The following LRP1B variants were observed in gnomAD, a reference collection of about 807,000 sequenced individuals.
LRP1B encodes the protein low-density lipoprotein receptor-related protein 1B.
In LRP1B, 217 loss-of-function variants were observed where a neutral mutation model predicts 556.6. That is an observed-to-expected ratio of 0.39 (90% CI 0.35 to 0.44). LRP1B has a LOEUF of 0.44. LRP1B is among the 20% of genes least tolerant of loss of function. The pLI is 1.00. For missense variants in LRP1B, 5,053 were observed against 5,620.8 expected (o/e 0.90, Z 3.23); for synonymous variants, 2,047 against 1,865.8 (o/e 1.10, Z -2.50).
chr2:140,259,675 C>T (rs12612910), intron 86 of LRP1B, among the ~76,000 whole-genome samples: 47,387 of 151,704 alleles, frequency 0.31, 7,654 homozygotes, highest in Middle Eastern at 0.4. Flanking sequence ...AGAATACATG[C>T]GACCCATTGG....
intron 1 of LRP1B, among the ~76,000 whole-genome samples, chr2:141,942,229 A>T (rs150426541): frequency 2.9e-3 from 435 of 152,200 alleles, no homozygotes; most frequent in Admixed American, 6.0e-3. Flanking sequence ...TCCACCACAC[A>T]TCTTTTCTCT....
At chr2:140,739,734 A>C (rs1226794843) in intron 35 of LRP1B, among the ~76,000 whole-genome samples, 2 of 152,168 alleles carry the variant, frequency 1.3e-5, no homozygotes, top group East Asian at 3.9e-4. Flanking sequence ...AAACAATAGA[A>C]ACTTATTCTC....
chr2:141,669,662 G>T (rs1415101122), intron 2 of LRP1B, among the ~76,000 whole-genome samples: 2 of 150,838 alleles, frequency 1.3e-5, no homozygotes, highest in Non-Finnish European at 2.9e-5. Flanking sequence ...AGAGGAAGGA[G>T]GGTAAGCTAT....
At chr2:140,326,489 C>T (rs1573795935) in intron 79 of LRP1B, among the ~76,000 whole-genome samples, 1 of 151,504 alleles carries the variant, frequency 6.6e-6, no homozygotes, top group Non-Finnish European at 1.5e-5. Flanking sequence ...ACTTTGGGAG[C>T]CTGAGGCGGG....
At chr2:142,012,528 A>G (rs774854104) in intron 1 of LRP1B, among the ~76,000 whole-genome samples, 50 of 152,142 alleles carry the variant, frequency 3.3e-4, no homozygotes, top group African/African-American at 4.6e-4. Flanking sequence ...GGGAGACTCC[A>G]TAAGTGCTGC....
In LRP1B at chr2:141,555,801, T is replaced by C. The variant is rs141209941; in HGVS notation, c.206-75268A>G. ...ATTTTATATATATTCTACATCTTTATACAGATTAAAAGAGTCTTTGAAAAG... is the reference window on the plus strand; with the variant it reads ...ATTTTATATATATTCTACATCTTTACACAGATTAAAAGAGTCTTTGAAAAG... On this transcript the variant is annotated intron_variant, in intron 2 of 90. Transcript: ENST00000389484. 3.0e-3 allele frequency among the ~76,000 whole-genome samples: 453 copies of C among 152,040 alleles called. 3 individuals are homozygous for C. Among genetic ancestry groups the C allele is most frequent in the African/African-American group, 0.011 (437 of 41,518 alleles).
At chr2:140,845,951 G>A (rs1178405930) in intron 29 of LRP1B, among the ~76,000 whole-genome samples, 1 of 152,146 alleles carries the variant, frequency 6.6e-6, no homozygotes, top group East Asian at 1.9e-4. Context: ...CAAAGACTGA[G>A]TTAGAGAAAA....
chr2:140,641,417 A>C (rs1182923992), intron 41 of LRP1B, among the ~76,000 whole-genome samples: 1 of 152,218 alleles, frequency 6.6e-6, no homozygotes, highest in Non-Finnish European at 1.5e-5. Flanking sequence ...CTCTTTTAGC[A>C]TCTGATTGCC....
At chr2:141,402,816 T>A (rs1383380423) in intron 3 of LRP1B, among the ~76,000 whole-genome samples, 1 of 152,122 alleles carries the variant, frequency 6.6e-6, no homozygotes, top group East Asian at 1.9e-4. Context: ...TCTATTCCAG[T>A]ACAGAAAATC....
chr2:141,394,454 T>C (rs1207775766), intron 3 of LRP1B, among the ~76,000 whole-genome samples: 3 of 152,130 alleles, frequency 2.0e-5, no homozygotes, highest in African/African-American at 4.8e-5. Flanking sequence ...TTTTTATCAT[T>C]TCAACTGTTG....
chr2:140,511,553 G>A (rs1429868220), intron 51 of LRP1B, among the ~76,000 whole-genome samples: 2 of 151,974 alleles, frequency 1.3e-5, no homozygotes, highest in South Asian at 2.1e-4. Flanking sequence ...CGCCCGCCTC[G>A]GTCTCCCAAA....
intron 66 of LRP1B, among the ~76,000 whole-genome samples, chr2:140,409,565 A>G (rs72898220): frequency 0.011 from 1,610 of 152,150 alleles, 23 homozygotes; most frequent in Non-Finnish European, 0.017. Context: ...TATAAGAAGT[A>G]TTTTAGAATT....
chr2:141,512,567 G>A lies in LRP1B; in HGVS notation c.206-32034C>T, dbSNP rs576733262. ...CTTAGTTCCTGAATGACTTCATGGA[G>A]CTGAGCACACCTGTCAGACACAAAC... On this transcript the variant is annotated intron_variant, in intron 2 of 90. Coordinates refer to ENST00000389484, the MANE Select transcript of LRP1B (RefSeq NM_018557.3). 2.0e-3 allele frequency among the ~76,000 whole-genome samples: 300 copies of A among 152,256 alleles called. 2 individuals are homozygous for A. The highest frequency in any genetic ancestry group is 3.0e-3 in the Non-Finnish European group (202 of 68,004).
intron 7 of LRP1B, among the ~76,000 whole-genome samples, chr2:141,131,835 C>T (rs1259888692): frequency 6.7e-6 from 1 of 150,130 alleles, no homozygotes; most frequent in African/African-American, 2.5e-5. Flanking sequence ...CCCCAAACAG[C>T]ATTTTTTTTT....
At chr2:140,592,149 T>C (rs531345092) in intron 43 of LRP1B, among the ~76,000 whole-genome samples, 167 of 152,280 alleles carry the variant, frequency 1.1e-3, no homozygotes, top group Non-Finnish European at 1.7e-3. Flanking sequence ...AGGTACTAAA[T>C]AGAACTTGGA....
chr2:142,013,473 A>T (rs1301040058), intron 1 of LRP1B, among the ~76,000 whole-genome samples: 1 of 152,280 alleles, frequency 6.6e-6, no homozygotes, highest in East Asian at 1.9e-4. Flanking sequence ...AACTAAAGGT[A>T]TCAATCAACA....
chr2:140,308,303 CCTCT>C (rs1013923033), intron 83 of LRP1B, among the ~76,000 whole-genome samples: 26 of 151,174 alleles, frequency 1.7e-4, no homozygotes, highest in Non-Finnish European at 3.1e-4. Flanking sequence ...TGTAAAAAAC[CCTCT>C]CTAATATTGG....
chr2:140,485,555 C>T (rs76480759), intron 58 of LRP1B, 31 bp from the exon 59 acceptor site: 59 of 1,529,582 alleles, frequency 3.9e-5, no homozygotes, highest in African/African-American at 1.7e-4. Context: ...AGGTTAACAG[C>T]GTAAATCCCT....
At chr2:141,743,542 T>C (rs1257054081) in intron 2 of LRP1B, among the ~76,000 whole-genome samples, 5 of 147,302 alleles carry the variant, frequency 3.4e-5, no homozygotes, top group Non-Finnish European at 6.0e-5. Context: ...GAGTTGCTAC[T>C]GGTTTTGCTT....
Sources: gnomAD v4.1 joint callset for allele counts (sites outside exome capture counted in the v4.1 genomes callset) on GRCh38, gnomAD v4.1.1 for gene constraint, MANE v1.5 for transcripts, NCBI Gene and HGNC (gene_info 2026-07-23, HGNC 2026-07-21) for gene names.